Variants in ZBTB21 observed in about 807,000 individuals in gnomAD.
ZBTB21 encodes the protein zinc finger and BTB domain containing 21, also known as zinc finger and BTB domain-containing protein 21.
Under a neutral mutation model 39.8 loss-of-function variants are expected in ZBTB21, and 10 were observed. The ratio of observed to expected loss-of-function variants is 0.25; its 90% CI spans 0.16 to 0.43. The LOEUF (loss-of-function observed/expected upper bound fraction) is 0.43, where lower values mean the gene tolerates loss of function less well. Among genes scored for constraint, ZBTB21 ranks in the 20% least tolerant of loss-of-function variants. The probability of loss-of-function intolerance (pLI) is 1.00; values close to 1 mark genes in which losing one functional copy is unlikely to be tolerated. For missense variants in ZBTB21, 1,221 were observed against 1,296.3 expected, an observed-to-expected ratio of 0.94 and a Z score of 0.89; for synonymous variants, 551 against 498.8, an observed-to-expected ratio of 1.10 and a Z score of -1.40.
At chr21:42,008,455 T>C (rs566707691) in intron 1 of ZBTB21, among the ~76,000 whole-genome samples, 1 of 139,342 alleles carries the variant, frequency 7.2e-6, no homozygotes, top group Admixed American at 7.3e-5. Context: ...GAGGCGGAGG[T>C]TGCAAAACCA....
At position 41,991,154 on chromosome 21, in the gene ZBTB21, G is replaced by C. The variant is rs1353006124; in HGVS notation, c.2942C>G (p.Ser981Cys). ...ESEVCPVPTN[S>C]PSPPPLPPPP... is the part of the protein sequence containing the mutation. ...CGGTGGCAGAGGTGGTGGAGAGGGA[G>C]AGTTTGTGGGAACAGGGCACACCTC... Residue 981 changes from serine (S) to cysteine (C), a missense_variant, in exon 3 of 3, where the codon TCT becomes TGT. By Grantham distance (112) the Ser-to-Cys change is moderately radical (BLOSUM62 -1). This residue lies in a region of ZBTB21 where 523 missense variants were observed against 542.5 expected (regional missense o/e 0.96). Coordinates refer to ENST00000310826, the MANE Select transcript of ZBTB21 (RefSeq NM_001098402.2). This position sits in a 1 kb window ranked among gnomAD's most constrained non-coding sequence, Gnocchi z 4.9. 3 of 1,614,170 alleles carry C rather than the reference G, an allele frequency of 1.9e-6. No individual in the cohort carries two copies. The highest frequency in any genetic ancestry group is 2.2e-5 in the East Asian group (1 of 44,888).
At chr21:42,008,540 CAAAAAA>C (rs68176203) in intron 1 of ZBTB21, among the ~76,000 whole-genome samples, 11 of 60,332 alleles carry the variant, frequency 1.8e-4, no homozygotes, top group South Asian at 6.6e-4. Flanking sequence ...GAAACTCTGT[CAAAAAA>C]AAAAAAAAAA....
intron 2 of ZBTB21, among the ~76,000 whole-genome samples, chr21:41,997,597 AC>A (rs1436996613): frequency 7.2e-5 from 10 of 138,044 alleles, no homozygotes; most frequent in African/African-American, 1.1e-4. Flanking sequence ...AAACAAAAAA[AC>A]AAAAAAACAA....
chr21:41,994,038 G>C lies in ZBTB21; in HGVS notation c.58C>G (p.Leu20Val). 3 of 1,613,902 alleles carry C rather than the reference G, an allele frequency of 1.9e-6. No homozygotes were observed. The highest frequency in any genetic ancestry group is 2.5e-6 in the Non-Finnish European group (3 of 1,179,938). The change falls in exon 3 of 3, where the codon CTG (leucine) becomes GTG (valine). Residue 20 changes from leucine (L) to valine (V), a missense_variant. This residue lies in a region of ZBTB21 where 108 missense variants were observed against 155.0 expected (regional missense o/e 0.70). Transcript: ENST00000310826. ...TGTCCTTTGAGACGCTCCTCATTCA[G>C]GGCACTTAGGAGAGAAATGGCGTGT... is the stretch of plus-strand genomic sequence containing the variant. ...PAHAISLLSALNEERLKGQLC... is the reference protein window; with the variant it reads ...PAHAISLLSAVNEERLKGQLC...
intron 2 of ZBTB21, chr21:42,002,464 C>G (rs9325628): frequency 1 from 152,303 of 152,304 alleles, 76,151 homozygotes; most frequent in Non-Finnish European, 1. Flanking sequence ...TGGCTGTGTA[C>G]ACCGAATCCT....
chr21:41,991,564 G>C lies in ZBTB21; in HGVS notation c.2532C>G (p.Asp844Glu). 6.2e-7 allele frequency: 1 copy of C among 1,614,224 alleles called. No homozygotes were observed. The highest frequency in any genetic ancestry group is 8.5e-7 in the Non-Finnish European group (1 of 1,180,050). The change falls in exon 3 of 3, where the codon GAC (aspartate) becomes GAG (glutamate). Residue 844 changes from aspartate (D) to glutamate (E), a missense_variant. This residue lies in a region of ZBTB21 where 523 missense variants were observed against 542.5 expected (regional missense o/e 0.96). Coordinates refer to ENST00000310826, the MANE Select transcript of ZBTB21 (RefSeq NM_001098402.2). The surrounding 1 kb of genome is among the most constrained non-coding windows in gnomAD (Gnocchi z 4.9). ...GTTCTGAAGAATCACTGAACACGTTGTCGTCTTTTGTGGTGACGATGTGGT... is the reference window on the plus strand; with the variant it reads ...GTTCTGAAGAATCACTGAACACGTTCTCGTCTTTTGTGGTGACGATGTGGT... ...KVNHIVTTKD[D>E]NVFSDSSEQV... is the part of the protein sequence containing the mutation.
Position 41,993,227 on chromosome 21 carries a change from T to G in ZBTB21, c.869A>C (p.Tyr290Ser). 1 of 1,611,920 alleles carries G rather than the reference T, an allele frequency of 6.2e-7. No individual in the cohort carries two copies. Among genetic ancestry groups the G allele is most frequent in the South Asian group, 1.1e-5 (1 of 91,084 alleles). Residue 290 changes from tyrosine to serine, a missense_variant, in exon 3 of 3, where the codon TAT becomes TCT. Physicochemically the swap from Tyr to Ser is moderately radical, Grantham distance 144. This residue lies in a region of ZBTB21 where 500 missense variants were observed against 465.6 expected (regional missense o/e 1.07). Transcript: ENST00000310826. ...TCCTTTGTTAGTTTCTTTTAATAGATAGGGAGTCTCTGATGAGCTACAAAC... is the reference window on the plus strand; with the variant it reads ...TCCTTTGTTAGTTTCTTTTAATAGAGAGGGAGTCTCTGATGAGCTACAAAC... ...LSVCSSSETP[Y>S]LLKETNKGNG...
rs2146271839 is a variant in ZBTB21 at position 41,990,458 on chromosome 21, T to C, written c.*437A>G. The C allele has an allele frequency of 6.5e-6, 1 of 153,256 alleles. No individual in the cohort carries two copies. The highest frequency in any genetic ancestry group is 1.5e-5 in the Non-Finnish European group (1 of 68,364). 9.5% of individuals were successfully genotyped at this position (153,256 alleles called of 1,614,324 possible). On this transcript the variant is annotated 3_prime_UTR_variant, in exon 3 of 3. Coordinates refer to ENST00000310826, the MANE Select transcript of ZBTB21 (RefSeq NM_001098402.2). ...GATATAAATCAATACTGCAAACTAC[T>C]CCACTTCTTCCTATTTTGGACTTAA...
chr21:41,993,776 T>C lies in ZBTB21; in HGVS notation c.320A>G (p.Tyr107Cys), dbSNP rs2065708075. The change falls in exon 3 of 3, where the codon TAT becomes TGT. Residue 107 changes from tyrosine to cysteine, a missense_variant. Physicochemically the swap from Tyr to Cys is radical, Grantham distance 194. This residue lies in a region of ZBTB21 where 108 missense variants were observed against 155.0 expected (regional missense o/e 0.70). Transcript: ENST00000310826. The part of the protein sequence containing the change: ...SSLAAVQELG[Y>C]SLGISFLTNI... ...AGTCAGAAAGGAAATCCCAAGACTA[T>C]AGCCAAGTTCTTGCACAGCAGCAAG... is the stretch of plus-strand genomic sequence containing the variant. The C allele has an allele frequency of 2.5e-6, 4 of 1,614,134 alleles. No individual in the cohort carries two copies. Among genetic ancestry groups the C allele is most frequent in the South Asian group, 1.1e-5 (1 of 91,090 alleles).
In ZBTB21 at chr21:41,989,569, C is replaced by T. The variant is rs748932059; in HGVS notation, c.*1326G>A. Reference sequence around the variant, plus strand: ...AACACATTGAACTTTGGATATCCTACTGAAAGGCTTTCAATTACAAATTAT... The same window carrying T: ...AACACATTGAACTTTGGATATCCTATTGAAAGGCTTTCAATTACAAATTAT... On this transcript the variant is annotated 3_prime_UTR_variant, in exon 3 of 3. Coordinates refer to ENST00000310826, the MANE Select transcript of ZBTB21 (RefSeq NM_001098402.2). 94 of 152,062 alleles carry T rather than the reference C, an allele frequency of 6.2e-4. 2 individuals are homozygous for T. Among genetic ancestry groups the T allele is most frequent in the Admixed American group, 4.3e-3 (65 of 15,280 alleles). 9.4% of individuals were successfully genotyped at this position (152,062 alleles called of 1,614,324 possible).
Position 41,988,176 on chromosome 21 carries a change from C to T in ZBTB21, c.*2719G>A, listed in dbSNP as rs2065603113. ...CATTGCTTACTTTGAGTGATAAAAA[C>T]ATGTTTTATGTTACTCCTTCCTTCT... On this transcript the variant is annotated 3_prime_UTR_variant, in exon 3 of 3. Coordinates refer to ENST00000310826, the MANE Select transcript of ZBTB21 (RefSeq NM_001098402.2). The T allele has an allele frequency of 6.8e-6, 1 of 146,714 alleles. No individual in the cohort carries two copies. The highest frequency in any genetic ancestry group is 6.9e-5 in the Admixed American group (1 of 14,450). 9.1% of individuals were successfully genotyped at this position (146,714 alleles called of 1,614,324 possible). A position where few individuals can be genotyped will look rare whatever the true frequency, so the allele number is the denominator to read the frequency against.
In ZBTB21 at chr21:41,993,149, A is replaced by G; in HGVS notation, c.947T>C (p.Val316Ala). The G allele has an allele frequency of 6.2e-7, 1 of 1,614,172 alleles. No individual in the cohort carries two copies. The change falls in exon 3 of 3, where the codon GTG becomes GCG. Residue 316 changes from valine (V) to alanine (A), a missense_variant. Physicochemically the swap from Val to Ala is moderately conservative, Grantham distance 64 (BLOSUM62 0). Transcript: ENST00000310826. ...AGAACCAGATCCACTGGATGGGATCACTAAGCCTAACTTTGAATAGTACAA... is the reference window on the plus strand; with the variant it reads ...AGAACCAGATCCACTGGATGGGATCGCTAAGCCTAACTTTGAATAGTACAA... ...NLLYYSKLGL[V>A]IPSSGSGSGN...
At chr21:42,010,086 C>G (rs2146367162) in intron 1 of ZBTB21, among the ~76,000 whole-genome samples, 166 bp downstream of exon 1, 1 of 152,334 alleles carries the variant, frequency 6.6e-6, no homozygotes, top group South Asian at 2.1e-4. Context: ...GCCCAGGTCC[C>G]GCGCACGCGC....
At position 42,009,752 on chromosome 21, in the gene ZBTB21, G is replaced by C. The variant is rs570906679; in HGVS notation, c.-79+500C>G. On this transcript the variant is annotated intron_variant, in intron 1 of 2. Transcript: ENST00000310826. ...GGTCCCGGACCGTGAAGGGAGCGGC[G>C]GGTCGCGGCAGGTGCGGGGTCCCCA... Among the ~76,000 whole-genome samples, 22 of 152,112 alleles carry C rather than the reference G, an allele frequency of 1.4e-4. 1 individual carries two copies. The South Asian group carries it at 2.9e-3, about 20-fold the overall frequency.
Position 41,988,582 on chromosome 21 carries a change from A to G in ZBTB21, c.*2313T>C, listed in dbSNP as rs568162548. On this transcript the variant is annotated 3_prime_UTR_variant, in exon 3 of 3. Transcript: ENST00000310826. ...CACCAAAATAAACTCTTTCAGCCTA[A>G]TGCTTTTAAAGTACAGTATAAAAAG... 2.6e-5 allele frequency: 4 copies of G among 152,284 alleles called. No homozygotes were observed. The highest frequency in any genetic ancestry group is 9.6e-5 in the African/African-American group (4 of 41,568). The allele number at this position is 152,284 out of a possible 1,614,324, so 9.4% of individuals were successfully genotyped here.
chr21:41,993,006 C>T lies in ZBTB21; in HGVS notation c.1090G>A (p.Gly364Arg). ...GCATCACTGGACACCGAAGATGATC[C>T]CTGGGAAGATTTCAAATCTATGGAA... ...SPSIDLKSSQ[G>R]SSSVSSDAPG... The change falls in exon 3 of 3, where the codon GGA becomes AGA. Residue 364 changes from glycine (G) to arginine (R), a missense_variant. Transcript: ENST00000310826. 6.2e-7 allele frequency: 1 copy of T among 1,614,126 alleles called. No individual in the cohort carries two copies.
chr21:41,992,262 C>CA lies in ZBTB21; in HGVS notation c.1833dup (p.Ala612CysfsTer5). 1 of 1,614,178 alleles carries CA rather than the reference C, an allele frequency of 6.2e-7. No homozygotes were observed. Among genetic ancestry groups the CA allele is most frequent in the Non-Finnish European group, 8.5e-7 (1 of 1,180,032 alleles). On this transcript the variant is annotated frameshift_variant, in exon 3 of 3. Coordinates refer to ENST00000310826, the MANE Select transcript of ZBTB21 (RefSeq NM_001098402.2). LOFTEE classifies it high-confidence loss of function. The surrounding 1 kb of genome is among the most constrained non-coding windows in gnomAD (Gnocchi z 4.1). ...CTTTGGAATTTTTCATCCAAAACAG[C>CA]ATGTGAACTAGAGGCTGGTGATGGG...
At position 41,990,816 on chromosome 21, in the gene ZBTB21, ATTT is replaced by A; in HGVS notation, c.*76_*78del. ...CCTTTATTATTCTTGTTTAAAAAAT[ATTT>A]TGTTTCTTATGACACATTTCACAAT... On this transcript the variant is annotated 3_prime_UTR_variant, in exon 3 of 3. Transcript: ENST00000310826. 1 of 1,320,186 alleles carries A rather than the reference ATTT, an allele frequency of 7.6e-7. No individual in the cohort carries two copies. The highest frequency in any genetic ancestry group is 1.0e-6 in the Non-Finnish European group (1 of 1,004,150). 81.8% of individuals were successfully genotyped at this position (1,320,186 alleles called of 1,614,324 possible).
chr21:41,997,115 CCTCA>C (rs1158035967), intron 2 of ZBTB21, among the ~76,000 whole-genome samples: 2 of 152,032 alleles, frequency 1.3e-5, no homozygotes, highest in Non-Finnish European at 2.9e-5. Context: ...AGAAATGGGG[CCTCA>C]CTATGTTGCT....
Sources: gnomAD v4.1 joint callset for allele counts (sites outside exome capture counted in the v4.1 genomes callset) on GRCh38, gnomAD v4.1.1 for gene constraint, gnomAD v4.1.1 regional missense constraint, Gnocchi (gnomAD v3.1) non-coding constraint, MANE v1.5 for transcripts, NCBI Gene and HGNC (gene_info 2026-07-23, HGNC 2026-07-21) for gene names.